Variants in GRIK5 observed in about 807,000 individuals in gnomAD.
The protein encoded by GRIK5 is glutamate ionotropic receptor kainate type subunit 5, also known as glutamate receptor ionotropic, kainate 5.
In GRIK5, 43 loss-of-function variants were observed where a neutral mutation model predicts 97.4. The observed-to-expected ratio is 0.44, with a 90% CI of 0.35 to 0.57. The LOEUF (loss-of-function observed/expected upper bound fraction) is 0.57. Among genes scored for constraint, GRIK5 ranks in the 20% least tolerant of loss-of-function variants. The probability of loss-of-function intolerance (pLI) is 0.01; values close to 1 mark genes in which losing one functional copy is unlikely to be tolerated. For synonymous variants in GRIK5, 580 were observed against 583.5 expected, an observed-to-expected ratio of 0.99 and a Z score of 0.09; for missense variants, 1,015 against 1,382.0, an observed-to-expected ratio of 0.73 and a Z score of 4.21.
chr19:42,007,430 T>C (rs191162587), intron 15 of GRIK5, among the ~76,000 whole-genome samples: 7 of 152,230 alleles, frequency 4.6e-5, no homozygotes, highest in Non-Finnish European at 8.8e-5. Context: ...AGAGACATCA[T>C]AGAACTGTGA....
chr19:42,032,564 A>G (rs888870031), intron 12 of GRIK5, among the ~76,000 whole-genome samples: 9 of 152,200 alleles, frequency 5.9e-5, no homozygotes, highest in Non-Finnish European at 1.2e-4. Flanking sequence ...AAGCCATCCA[A>G]ATAGCCATCA....
chr19:42,040,332 G>T (rs1437410655), intron 12 of GRIK5, among the ~76,000 whole-genome samples: 1 of 152,192 alleles, frequency 6.6e-6, no homozygotes, highest in East Asian at 1.9e-4. Flanking sequence ...TTCTCTGTTG[G>T]TGAAAAAAGG....
intron 12 of GRIK5, among the ~76,000 whole-genome samples, chr19:42,033,388 T>C (rs1375749441): frequency 2.0e-5 from 3 of 150,560 alleles, no homozygotes; most frequent in African/African-American, 4.9e-5. Context: ...CTTTGAAAAG[T>C]TGGAAACATC....
At chr19:42,054,881 C>T (rs561217367) in intron 8 of GRIK5, among the ~76,000 whole-genome samples, 1 of 152,232 alleles carries the variant, frequency 6.6e-6, no homozygotes, top group Non-Finnish European at 1.5e-5. Context: ...CATGCCCATT[C>T]ATCTATACAC....
chr19:42,035,716 A>G (rs1441240376), intron 12 of GRIK5, among the ~76,000 whole-genome samples: 1 of 152,196 alleles, frequency 6.6e-6, no homozygotes, highest in Non-Finnish European at 1.5e-5. Flanking sequence ...TCTCAAAAAA[A>G]TTAAGAAATT....
intron 12 of GRIK5, among the ~76,000 whole-genome samples, chr19:42,041,300 G>C (rs1940985221): frequency 6.6e-6 from 1 of 152,080 alleles, no homozygotes; most frequent in Admixed American, 6.6e-5. Context: ...ACAGCCCCTT[G>C]GTCTGCACAC....
At chr19:42,049,366 G>A (rs1175805252) in intron 11 of GRIK5, among the ~76,000 whole-genome samples, 1 of 152,188 alleles carries the variant, frequency 6.6e-6, no homozygotes, top group East Asian at 1.9e-4. Context: ...AACCTTCCTA[G>A]TAGTACTATT....
chr19:42,069,040 T>C, intron 1 of GRIK5: 1 of 493,150 alleles, frequency 2.0e-6, no homozygotes, highest in South Asian at 3.1e-5. Flanking sequence ...CAGTGAGCTA[T>C]GTACCCAGAA....
chr19:42,036,505 C>G (rs1175989121), intron 12 of GRIK5, among the ~76,000 whole-genome samples: 1 of 152,082 alleles, frequency 6.6e-6, no homozygotes, highest in Non-Finnish European at 1.5e-5. Context: ...CAGGCACATG[C>G]CACCACACTT....
rs1467008458 is a variant in GRIK5, at chr19:41,999,755, GAGGTT to G, written c.2515-461_2515-457del. The stretch of plus-strand genomic sequence containing the variant: ...ACAGACAGAAGTCCCAGCCCTCGTG[GAGGTT>G]ATGCTCAAGTGTGCAGAGACAGAAG... On this transcript the variant is annotated intron_variant, in intron 19 of 19. Coordinates refer to ENST00000593562, the MANE Select transcript of GRIK5 (RefSeq NM_002088.5). The surrounding 1 kb of genome is among the most constrained non-coding windows in gnomAD (Gnocchi z 5.0). Among the ~76,000 whole-genome samples the G allele has an allele frequency of 6.6e-6, 1 of 152,222 alleles. No individual in the cohort carries two copies. Among genetic ancestry groups the G allele is most frequent in the African/African-American group, 2.4e-5 (1 of 41,458 alleles).
At chr19:42,029,710 G>C (rs190662390) in intron 12 of GRIK5, among the ~76,000 whole-genome samples, 250 of 152,282 alleles carry the variant, frequency 1.6e-3, no homozygotes, top group African/African-American at 5.6e-3. Flanking sequence ...GTTACATCTG[G>C]CCCAGGTGGC....
In GRIK5 at chr19:42,021,335, G is replaced by A. The variant is rs778134962; in HGVS notation, c.1837C>T (p.Arg613Trp). 4 of 1,613,216 alleles carry A rather than the reference G, an allele frequency of 2.5e-6. No individual in the cohort carries two copies. The highest frequency in any genetic ancestry group is 1.3e-5 in the African/African-American group (1 of 74,918). Reference sequence around the variant, plus strand: ...CTGACACAGCGCGTGGACAGCGCCCGGGGCATGATCTCCGAGCCCTGCTGC... The same window carrying A: ...CTGACACAGCGCGTGGACAGCGCCCAGGGCATGATCTCCGAGCCCTGCTGC... ...FMQQGSEIMP[R>W]ALSTRCVSGV... is the part of the protein sequence containing the mutation. Residue 613 changes from arginine (R) to tryptophan (W), a missense_variant, in exon 15 of 20, where the codon CGG (arginine) becomes TGG (tryptophan). By Grantham distance (101) the Arg-to-Trp change is moderately radical (BLOSUM62 -3). Transcript: ENST00000593562. This position sits in a 1 kb window ranked among gnomAD's most constrained non-coding sequence, Gnocchi z 4.2.
In GRIK5 at chr19:42,065,155, G is replaced by A; in HGVS notation, c.244+68C>T. 7.1e-7 allele frequency: 1 copy of A among 1,402,170 alleles called. No homozygotes were observed. The highest frequency in any genetic ancestry group is 1.4e-5 in the African/African-American group (1 of 71,086). The allele number at this position is 1,402,170 out of a possible 1,614,324, so 86.9% of individuals were successfully genotyped here. ...GGACAAGGCCAGGCCAGAGGCCAGG[G>A]GCAGAGGGATGGACTGAGGGCCACC... On this transcript the variant is annotated intron_variant, in intron 3 of 19. Transcript: ENST00000593562. The surrounding 1 kb of genome is among the most constrained non-coding windows in gnomAD (Gnocchi z 5.8).
At position 42,021,497 on chromosome 19, in the gene GRIK5, T is replaced by G. The variant is rs2075696823; in HGVS notation, c.1698-23A>C. 2 of 1,506,534 alleles carry G rather than the reference T, an allele frequency of 1.3e-6. No homozygotes were observed. Among genetic ancestry groups the G allele is most frequent in the Non-Finnish European group, 8.9e-7 (1 of 1,124,692 alleles). 93.3% of individuals were successfully genotyped at this position (1,506,534 alleles called of 1,614,324 possible). On this transcript the variant is annotated intron_variant, in intron 14 of 19. Coordinates refer to ENST00000593562, the MANE Select transcript of GRIK5 (RefSeq NM_002088.5). The surrounding 1 kb of genome is among the most constrained non-coding windows in gnomAD (Gnocchi z 4.2). ...AGCCTGTGGAGAGACGTGCAGCGTG[T>G]GGATGGGGCCCAGAGCCCAGGTGGG...
intron 12 of GRIK5, among the ~76,000 whole-genome samples, chr19:42,030,025 G>C (rs966548929): frequency 1.3e-5 from 2 of 152,092 alleles, no homozygotes; most frequent in African/African-American, 4.8e-5. Context: ...GCTTTCTGCC[G>C]TTGCTACTGC....
chr19:42,068,968 G>A (rs1195369978), intron 1 of GRIK5: 3 of 593,012 alleles, frequency 5.1e-6, no homozygotes, highest in Non-Finnish European at 9.1e-6. Context: ...CGGGGTAAGT[G>A]AGAGCCCAAG....
rs782010346 is a variant in GRIK5, at chr19:42,002,727, C to T, written c.2514+605G>A. On this transcript the variant is annotated intron_variant, in intron 19 of 19. Transcript: ENST00000593562. The surrounding 1 kb of genome is among the most constrained non-coding windows in gnomAD (Gnocchi z 5.2). ...GACATGGAAGCAGCCCTCCTGAACA[C>T]AGTGTGGGACCAGTCCAGGGCTGTG... Among the ~76,000 whole-genome samples, 1 of 152,090 alleles carries T rather than the reference C, an allele frequency of 6.6e-6. No homozygotes were observed. Among genetic ancestry groups the T allele is most frequent in the African/African-American group, 2.4e-5 (1 of 41,396 alleles).
chr19:42,013,598 G>T (rs2075591002), intron 15 of GRIK5, among the ~76,000 whole-genome samples: 1 of 151,736 alleles, frequency 6.6e-6, no homozygotes, highest in South Asian at 2.1e-4. Flanking sequence ...TTTTAGTAGA[G>T]ACAGGGTTTC....
Position 42,006,270 on chromosome 19 carries a change from C to T in GRIK5, c.2038-322G>A, listed in dbSNP as rs2075489947. Among the ~76,000 whole-genome samples, 1 of 152,244 alleles carries T rather than the reference C, an allele frequency of 6.6e-6. No homozygotes were observed. Among genetic ancestry groups the T allele is most frequent in the East Asian group, 1.9e-4 (1 of 5,172 alleles). On this transcript the variant is annotated intron_variant, in intron 16 of 19. Coordinates refer to ENST00000593562, the MANE Select transcript of GRIK5 (RefSeq NM_002088.5). The surrounding 1 kb of genome is among the most constrained non-coding windows in gnomAD (Gnocchi z 5.3). ...AGACCACTAGGACCTCCCTGCCAAG[C>T]TTGCTTTCCTCTTCTTTCCTTCCCA...
Sources: gnomAD v4.1 joint callset for allele counts (sites outside exome capture counted in the v4.1 genomes callset) on GRCh38, gnomAD v4.1.1 for gene constraint, Gnocchi (gnomAD v3.1) non-coding constraint, MANE v1.5 for transcripts, NCBI Gene and HGNC (gene_info 2026-07-23, HGNC 2026-07-21) for gene names.